Variants in TENM3 observed in about 807,000 individuals in gnomAD.
TENM3 encodes teneurin transmembrane protein 3, also known as teneurin-3.
A neutral mutation model predicts 255.1 loss-of-function variants in TENM3; 63 were observed. The ratio of observed to expected loss-of-function variants is 0.25; its 90% CI spans 0.20 to 0.30. The LOEUF is 0.30. Among genes scored for constraint, TENM3 ranks in the 10% least tolerant of loss-of-function variants. The pLI, the probability that TENM3 is intolerant of heterozygous loss-of-function variation, is 1.00. For missense variants in TENM3, 2,929 were observed against 3,461.1 expected (o/e 0.85, Z 3.86); for synonymous variants, 1,306 against 1,322.3 (o/e 0.99, Z 0.27).
intron 1 of TENM3, among the ~76,000 whole-genome samples, chr4:182,300,980 A>T (rs1463196827): frequency 1.3e-5 from 2 of 152,178 alleles, no homozygotes; most frequent in African/African-American, 2.4e-5. Context: ...TTATTTGTTC[A>T]TTAGTTTTCT....
chr4:182,237,211 A>G (rs1302837099), intron 1 of TENM3, among the ~76,000 whole-genome samples: 1 of 152,146 alleles, frequency 6.6e-6, no homozygotes, highest in East Asian at 1.9e-4. Flanking sequence ...GTAGTATTCC[A>G]TGGTGTATAC....
the TENM3 span, among the ~76,000 whole-genome samples, chr4:181,488,470 T>G: frequency 6.6e-6 from 1 of 152,188 alleles, no homozygotes; most frequent in Non-Finnish European, 1.5e-5. Context: ...ATTCGTTTTT[T>G]GGTTCAGCAA....
chr4:182,161,786 A>ATATATGTGTATATATACACAT (rs1561153366), intron 1 of TENM3, among the ~76,000 whole-genome samples: 551 of 18,498 alleles, frequency 0.03, 187 homozygotes, highest in African/African-American at 0.091. Context: ...TATATACACA[A>ATATATGTGTATATATACACAT]ATATATGTAT....
the TENM3 span, among the ~76,000 whole-genome samples, chr4:181,726,849 C>A: frequency 1.3e-5 from 2 of 152,338 alleles, no homozygotes; most frequent in South Asian, 2.1e-4. Context: ...TTCTGACCAA[C>A]CGGCTAAAAT....
chr4:181,887,209 G>A, the TENM3 span, among the ~76,000 whole-genome samples: 8 of 151,648 alleles, frequency 5.3e-5, no homozygotes, highest in East Asian at 9.7e-4. Flanking sequence ...GTTACTGGTC[G>A]GGTCTTCCCA....
At chr4:181,691,157 A>C in the TENM3 span, among the ~76,000 whole-genome samples, 6 of 152,282 alleles carry the variant, frequency 3.9e-5, no homozygotes. Flanking sequence ...ACTGAATAAG[A>C]ATTTATTTTT....
At chr4:181,539,869 T>C in the TENM3 span, among the ~76,000 whole-genome samples, 1 of 152,222 alleles carries the variant, frequency 6.6e-6, no homozygotes, top group Non-Finnish European at 1.5e-5. Context: ...TGATAGTTCA[T>C]GGTAGATTTT....
At chr4:182,675,492 A>G (rs952587301) in intron 7 of TENM3, among the ~76,000 whole-genome samples, 1 of 151,892 alleles carries the variant, frequency 6.6e-6, no homozygotes, top group African/African-American at 2.4e-5. Context: ...AGTAAGTGAG[A>G]GATCGTGACA....
chr4:182,410,326 A>G (rs190305084), intron 3 of TENM3, among the ~76,000 whole-genome samples: 2 of 152,354 alleles, frequency 1.3e-5, no homozygotes, highest in East Asian at 3.9e-4. Context: ...GGCGCAGCAC[A>G]TTCAGGAAGA....
At chr4:181,498,741 C>T in the TENM3 span, among the ~76,000 whole-genome samples, 3 of 151,942 alleles carry the variant, frequency 2.0e-5, no homozygotes, top group Non-Finnish European at 2.9e-5. Flanking sequence ...TTCATGAACA[C>T]GAAAATTCAT....
At chr4:181,601,078 C>G in the TENM3 span, among the ~76,000 whole-genome samples, 7 of 152,166 alleles carry the variant, frequency 4.6e-5, no homozygotes, top group African/African-American at 1.4e-4. Context: ...AAGAGCAATA[C>G]TACCGGTGCA....
the TENM3 span, among the ~76,000 whole-genome samples, chr4:181,843,999 T>C: frequency 6.6e-6 from 1 of 152,080 alleles, no homozygotes; most frequent in African/African-American, 2.4e-5. Flanking sequence ...ATTACAGACA[T>C]GAGCCACCGC....
chr4:182,150,851 C>T (rs956335879), intron 1 of TENM3, among the ~76,000 whole-genome samples: 24 of 152,150 alleles, frequency 1.6e-4, no homozygotes, highest in African/African-American at 5.5e-4. Flanking sequence ...AGTCCGATTC[C>T]GTAGCACCTC....
At chr4:182,024,192 TAAG>T in the TENM3 span, among the ~76,000 whole-genome samples, 1 of 152,214 alleles carries the variant, frequency 6.6e-6, no homozygotes, top group Admixed American at 6.5e-5. Flanking sequence ...TATTTTTTCT[TAAG>T]AAGCTTTATT....
chr4:182,220,378 C>CAAAAAAAAA lies in TENM3; in HGVS notation c.-76+75640_-76+75648dup, dbSNP rs60851113. The stretch of plus-strand genomic sequence containing the variant: ...GGCGACAGAGTGAGACTCTGTCTCA[C>CAAAAAAAAA]AAAAAAAAAAAAAAAAAAAAAAAAG... On this transcript the variant is annotated intron_variant, in intron 1 of 2. Coordinates refer to the TENM3 transcript ENST00000512480. 1.4e-3 allele frequency among the ~76,000 whole-genome samples: 105 copies of CAAAAAAAAA among 77,458 alleles called. 4 individuals are homozygous for CAAAAAAAAA. Among genetic ancestry groups the CAAAAAAAAA allele is most frequent in the East Asian group, 0.01 (12 of 1,178 alleles). 50.8% of individuals were successfully genotyped at this position (77,458 alleles called of 152,430 possible). A position where few individuals can be genotyped will look rare whatever the true frequency, so the allele number is the denominator to read the frequency against.
chr4:182,105,519 T>A, the TENM3 span, among the ~76,000 whole-genome samples: 1 of 152,246 alleles, frequency 6.6e-6, no homozygotes, highest in African/African-American at 2.4e-5. Context: ...TCCTCACTGT[T>A]ATGGTTTATT....
chr4:181,555,945 TA>T, the TENM3 span, among the ~76,000 whole-genome samples: 1 of 152,212 alleles, frequency 6.6e-6, no homozygotes, highest in Admixed American at 6.5e-5. Context: ...TATTGATGAA[TA>T]AATAACTAGC....
chr4:181,590,710 TAAGC>T, the TENM3 span, among the ~76,000 whole-genome samples: 1 of 152,218 alleles, frequency 6.6e-6, no homozygotes, highest in South Asian at 2.1e-4. Flanking sequence ...CACAGATACT[TAAGC>T]AAGGAGTTCA....
rs967316323 is a variant in TENM3, at chr4:182,363,309, A to G, written c.511+16380A>G. Among the ~76,000 whole-genome samples the G allele has an allele frequency of 2.6e-5, 4 of 151,894 alleles. No individual in the cohort carries two copies. In the East Asian group the frequency reaches 5.8e-4, roughly 22 times the overall value. On this transcript the variant is annotated intron_variant, in intron 3 of 27. Coordinates refer to ENST00000511685, the MANE Select transcript of TENM3 (RefSeq NM_001080477.4). The stretch of plus-strand genomic sequence containing the variant: ...TATATATTCATATAGATGTGTGTGT[A>G]TATATATATGAGTGTGTGTACATAT...
Sources: allele counts gnomAD v4.1 joint callset (sites outside exome capture counted in the v4.1 genomes callset), GRCh38; gene constraint gnomAD v4.1.1; transcripts MANE v1.5; gene names NCBI Gene and HGNC (gene_info 2026-07-23, HGNC 2026-07-21).